Variants in FGFR2 observed in about 807,000 individuals in gnomAD.
The protein encoded by FGFR2 is BEK fibroblast growth factor receptor.
A neutral mutation model predicts 95.9 loss-of-function variants in FGFR2; 19 were observed. The observed-to-expected ratio is 0.20, with a 90% CI of 0.14 to 0.29. FGFR2 has a LOEUF of 0.29. FGFR2 is among the 10% of genes least tolerant of loss of function. FGFR2 has a pLI of 1.00. For missense variants in FGFR2, 707 were observed against 1,056.9 expected (o/e 0.67, Z 4.59); for synonymous variants, 392 against 393.3 (o/e 1.00, Z 0.04).
intron 11 of FGFR2, among the ~76,000 whole-genome samples, chr10:121,499,472 C>A (rs535945086): frequency 6.6e-6 from 1 of 152,172 alleles, no homozygotes; most frequent in Non-Finnish European, 1.5e-5. Context: ...GAGGGAGCCA[C>A]GGGCCATGAG....
intron 11 of FGFR2, among the ~76,000 whole-genome samples, chr10:121,500,039 G>A (rs1259905595): frequency 1.3e-5 from 2 of 152,184 alleles, no homozygotes; most frequent in Non-Finnish European, 2.9e-5. Context: ...TCTCTGCCTG[G>A]AAACGTGGGA....
At chr10:121,567,175 T>G (rs764870242) in intron 2 of FGFR2, among the ~76,000 whole-genome samples, 3 of 152,088 alleles carry the variant, frequency 2.0e-5, no homozygotes, top group Non-Finnish European at 4.4e-5. Flanking sequence ...AATCTGTGTT[T>G]CAGTCCCACT....
At chr10:121,574,649 G>A (rs1267816870) in intron 2 of FGFR2, among the ~76,000 whole-genome samples, 1 of 152,154 alleles carries the variant, frequency 6.6e-6, no homozygotes, top group East Asian at 1.9e-4. Context: ...CAGCAACGAA[G>A]ACAGCCTGCT....
At chr10:121,560,510 G>A (rs989096132) in intron 4 of FGFR2, among the ~76,000 whole-genome samples, 1 of 151,016 alleles carries the variant, frequency 6.6e-6, no homozygotes, top group Non-Finnish European at 1.5e-5. Flanking sequence ...AGCTACTCGG[G>A]AGGCTGAGGC....
intron 4 of FGFR2, among the ~76,000 whole-genome samples, chr10:121,551,810 T>C (rs1461774474): frequency 6.6e-6 from 1 of 152,152 alleles, no homozygotes; most frequent in Non-Finnish European, 1.5e-5. Flanking sequence ...GACAGCTCAG[T>C]CCTCCAAAAA....
At chr10:121,542,716 C>T (rs1039998581) in intron 5 of FGFR2, among the ~76,000 whole-genome samples, 2 of 152,106 alleles carry the variant, frequency 1.3e-5, no homozygotes, top group African/African-American at 2.4e-5. Context: ...ATACAAGAAG[C>T]GGATTCCATG....
intron 3 of FGFR2, 52 bp from the exon 4 acceptor site, chr10:121,564,631 GT>G (rs1214177768): frequency 6.5e-7 from 1 of 1,547,588 alleles, no homozygotes. Flanking sequence ...AAGCAAAAAG[GT>G]TGCAATTATC....
chr10:121,583,771 A>AG (rs916142919), intron 2 of FGFR2, among the ~76,000 whole-genome samples: 1 of 151,284 alleles, frequency 6.6e-6, no homozygotes, highest in African/African-American at 2.4e-5. Context: ...AAAAAAAAAA[A>AG]TCCTCCTGCT....
At position 121,488,319 on chromosome 10, in the gene FGFR2, T is replaced by C. The variant is rs1023171965; in HGVS notation, c.1864-206A>G. On this transcript the variant is annotated intron_variant, in intron 13 of 17. Transcript: ENST00000358487. ...ACTTTGGGAGGTCAAGGTGGGCGGATCACTTGAGGTCAGTAGTTCGAGACC... is the reference window on the plus strand; with the variant it reads ...ACTTTGGGAGGTCAAGGTGGGCGGACCACTTGAGGTCAGTAGTTCGAGACC... 3.3e-5 allele frequency among the ~76,000 whole-genome samples: 5 copies of C among 152,096 alleles called. No homozygotes were observed. The East Asian group carries it at 5.8e-4, about 18-fold the overall frequency.
At chr10:121,506,555 T>C (rs1848314804) in intron 9 of FGFR2, among the ~76,000 whole-genome samples, 3 of 151,992 alleles carry the variant, frequency 2.0e-5, no homozygotes, top group African/African-American at 7.2e-5. Context: ...GATTAAGCAA[T>C]TGCTTGGGAC....
chr10:121,486,308 CTG>C (rs1306037762), intron 15 of FGFR2, among the ~76,000 whole-genome samples: 1 of 152,214 alleles, frequency 6.6e-6, no homozygotes. Context: ...AGAACAGCCT[CTG>C]TGCCTCAGTT....
rs2135112194 is a variant in FGFR2 at position 121,565,483 on chromosome 10, T to C, written c.331A>G (p.Arg111Gly). The C allele has an allele frequency of 3.1e-6, 5 of 1,614,246 alleles. No individual in the cohort carries two copies. Among genetic ancestry groups the C allele is most frequent in the Non-Finnish European group, 4.2e-6 (5 of 1,180,034 alleles). The stretch of plus-strand genomic sequence containing the variant: ...TACCAAGTTTCACTGTCTACAGTCC[T>C]ACTGGCAGTACAAGCATAGAGGCCG... ...DSGLYACTAS[R>G]TVDSETWYFM... is the part of the protein sequence containing the mutation. The change falls in exon 3 of 18, where the codon AGG (arginine) becomes GGG (glycine). Residue 111 changes from arginine (R) to glycine (G), a missense_variant. Coordinates refer to ENST00000358487, the MANE Select transcript of FGFR2 (RefSeq NM_000141.5).
At position 121,538,536 on chromosome 10, in the gene FGFR2, G is replaced by A. The variant is rs745496021; in HGVS notation, c.748+56C>T. The A allele has an allele frequency of 8.7e-6, 14 of 1,612,232 alleles. No homozygotes were observed. The East Asian group carries it at 1.3e-4, about 15-fold the overall frequency. ...GGACTTAACGTTCATGCTTTCAAAC[G>A]AGTCAAGCAAGAATGGGCTGGTATG... is the stretch of plus-strand genomic sequence containing the variant. On this transcript the variant is annotated intron_variant, in intron 6 of 17. Coordinates refer to ENST00000358487, the MANE Select transcript of FGFR2 (RefSeq NM_000141.5).
At chr10:121,520,705 T>A (rs745813791) in intron 6 of FGFR2, among the ~76,000 whole-genome samples, 1 of 152,184 alleles carries the variant, frequency 6.6e-6, no homozygotes, top group Non-Finnish European at 1.5e-5. Flanking sequence ...TGCAGTGGCA[T>A]GATCACGGCT....
chr10:121,482,564 G>A (rs948620170), intron 17 of FGFR2, among the ~76,000 whole-genome samples: 6 of 152,152 alleles, frequency 3.9e-5, no homozygotes, highest in African/African-American at 1.2e-4. Flanking sequence ...AGTTTCCTGT[G>A]TAAAAGAACA....
At chr10:121,580,295 C>A (rs189202517) in intron 2 of FGFR2, among the ~76,000 whole-genome samples, 85 of 152,296 alleles carry the variant, frequency 5.6e-4, no homozygotes, top group African/African-American at 1.9e-3. Flanking sequence ...AGCAGGATCT[C>A]GGTTCCAACA....
chr10:121,521,109 T>C (rs953307726), intron 6 of FGFR2, among the ~76,000 whole-genome samples: 1 of 152,252 alleles, frequency 6.6e-6, no homozygotes, highest in Admixed American at 6.5e-5. Flanking sequence ...ATTTAGCTCT[T>C]TGATGAATAT....
intron 11 of FGFR2, among the ~76,000 whole-genome samples, chr10:121,500,277 A>G (rs1847430293): frequency 6.6e-6 from 1 of 152,182 alleles, no homozygotes; most frequent in Non-Finnish European, 1.5e-5. Context: ...GTAATTGTTT[A>G]TGTGTCCCAG....
chr10:121,564,415 A>C, intron 4 of FGFR2, 87 bp downstream of exon 4: 2 of 1,235,076 alleles, frequency 1.6e-6, no homozygotes, highest in Non-Finnish European at 2.4e-6. Context: ...AGCATGGCGC[A>C]GAAGAGTCGA....
Sources: allele counts gnomAD v4.1 joint callset (sites outside exome capture counted in the v4.1 genomes callset), GRCh38; gene constraint gnomAD v4.1.1; transcripts MANE v1.5; gene names NCBI Gene and HGNC (gene_info 2026-07-23, HGNC 2026-07-21).